The following P4HA3 variants were observed in gnomAD, a reference collection of about 807,000 sequenced individuals.
P4HA3 encodes prolyl 4-hydroxylase subunit alpha-3.
In P4HA3, 60 loss-of-function variants were observed where a neutral mutation model predicts 66.7. The observed-to-expected ratio is 0.90, with a 90% confidence interval of 0.73 to 1.12. The LOEUF is 1.12. Among genes scored for constraint, P4HA3 ranks in the 50% most tolerant of loss-of-function variants. P4HA3 has a pLI of 0.00. For synonymous variants in P4HA3, 263 were observed against 274.6 expected, an observed-to-expected ratio of 0.96 and a Z score of 0.42; for missense variants, 683 against 685.8, an observed-to-expected ratio of 1.00 and a Z score of 0.05.
intron 9 of P4HA3, among the ~76,000 whole-genome samples, chr11:74,274,304 G>GTT (rs558751754): frequency 2.5e-4 from 34 of 134,878 alleles, no homozygotes; most frequent in African/African-American, 5.4e-4. Context: ...TTTTTTTTTT[G>GTT]TTTTTTTTTT....
At chr11:74,251,950 G>A in intron 15 of P4HA3, 1 of 710,194 alleles carries the variant, frequency 1.4e-6, no homozygotes. Flanking sequence ...ATTGTGCCTA[G>A]TCTCACTCCC....
intron 7 of P4HA3, among the ~76,000 whole-genome samples, chr11:74,282,164 C>A (rs1007718309): frequency 6.6e-6 from 1 of 150,962 alleles, no homozygotes; most frequent in African/African-American, 2.4e-5. Context: ...CCTAAGGAAT[C>A]CCCCCCATCC....
chr11:74,287,070 G>T, intron 5 of P4HA3: 1 of 1,152,816 alleles, frequency 8.7e-7, no homozygotes, highest in Non-Finnish European at 1.1e-6. Context: ...GATTCCCACA[G>T]GGCCCTTGGG....
At chr11:74,302,246 A>G in intron 3 of P4HA3, 123 bp downstream of exon 3, 3 of 933,192 alleles carry the variant, frequency 3.2e-6, no homozygotes, top group Non-Finnish European at 4.8e-6. Context: ...CTGAAAATGG[A>G]AATGATATCA....
At chr11:74,309,941 G>C (rs968333901) in intron 1 of P4HA3, among the ~76,000 whole-genome samples, 1 of 152,092 alleles carries the variant, frequency 6.6e-6, no homozygotes, top group African/African-American at 2.4e-5. Context: ...GTTTCGCACA[G>C]GGTGACAATG....
chr11:74,254,288 A>G (rs1235895500), intron 15 of P4HA3: 4 of 152,872 alleles, frequency 2.6e-5, no homozygotes, highest in East Asian at 3.8e-4. Context: ...GCCAAAGCCT[A>G]TGGAATTGTT....
chr11:74,256,389 TGAAG>T (rs1859831446), intron 15 of P4HA3, among the ~76,000 whole-genome samples: 1 of 152,202 alleles, frequency 6.6e-6, no homozygotes, highest in African/African-American at 2.4e-5. Context: ...TGTATCCTTG[TGAAG>T]TACAGGCACT....
chr11:74,252,343 C>T, intron 15 of P4HA3: 1 of 429,694 alleles, frequency 2.3e-6, no homozygotes, highest in East Asian at 7.2e-5. Flanking sequence ...CCGCATCGGC[C>T]TCCTAAAGTG....
chr11:74,276,231 T>C (rs1404321013), intron 9 of P4HA3, among the ~76,000 whole-genome samples: 2 of 152,134 alleles, frequency 1.3e-5, no homozygotes, highest in Admixed American at 6.5e-5. Flanking sequence ...ATGGGTACAC[T>C]AGAAGTGTGG....
At chr11:74,259,858 G>A (rs944132845) in intron 15 of P4HA3, 3 of 152,066 alleles carry the variant, frequency 2.0e-5, no homozygotes, top group Non-Finnish European at 4.4e-5. Flanking sequence ...ACCTTTTGAC[G>A]ATTGTGAATA....
downstream of P4HA3, among the ~76,000 whole-genome samples, chr11:74,265,311 G>A (rs985044754): frequency 2.0e-5 from 3 of 152,150 alleles, no homozygotes; most frequent in Admixed American, 2.0e-4. Flanking sequence ...ATCCTGGTGT[G>A]CTCTGCAGAA....
At chr11:74,286,864 C>A (rs1860819252) in intron 5 of P4HA3, among the ~76,000 whole-genome samples, 1 of 152,164 alleles carries the variant, frequency 6.6e-6, no homozygotes, top group African/African-American at 2.4e-5. Flanking sequence ...TCACTTACAA[C>A]AAAATATGAT....
intron 5 of P4HA3, 86 bp downstream of exon 5, chr11:74,288,993 C>A (rs2134774954): frequency 3.3e-4 from 246 of 743,682 alleles, no homozygotes; most frequent in Non-Finnish European, 4.2e-4. Flanking sequence ...AGCTGTATTT[C>A]TCTTGCAGGA....
At chr11:74,300,038 T>C (rs1221372933) in intron 3 of P4HA3, among the ~76,000 whole-genome samples, 1 of 152,240 alleles carries the variant, frequency 6.6e-6, no homozygotes, top group Non-Finnish European at 1.5e-5. Context: ...TTTGAGCCTC[T>C]ACTTCTGGTG....
At chr11:74,261,295 G>C (rs1043737177) in intron 14 of P4HA3, among the ~76,000 whole-genome samples, 5 of 152,092 alleles carry the variant, frequency 3.3e-5, no homozygotes, top group African/African-American at 4.8e-5. Flanking sequence ...GTGCTGACTG[G>C]CTTGTGAGTA....
At chr11:74,303,124 A>G (rs1459450579) in intron 2 of P4HA3, among the ~76,000 whole-genome samples, 1 of 151,856 alleles carries the variant, frequency 6.6e-6, no homozygotes, top group Non-Finnish European at 1.5e-5. Flanking sequence ...TCTAATTTAA[A>G]TAAATTTTTT....
chr11:74,264,812 C>T (rs1565402074), downstream of P4HA3, among the ~76,000 whole-genome samples: 1 of 152,192 alleles, frequency 6.6e-6, no homozygotes, highest in Non-Finnish European at 1.5e-5. Flanking sequence ...GCCCAGCTTC[C>T]AGGGCTCTAT....
chr11:74,262,923 C>G (rs1859931763), downstream of P4HA3, among the ~76,000 whole-genome samples: 1 of 152,254 alleles, frequency 6.6e-6, no homozygotes, highest in South Asian at 2.1e-4. Flanking sequence ...TCCTCCCAGA[C>G]AGCTCTCTCT....
At chr11:74,288,932 G>C (rs568603891) in intron 5 of P4HA3, 147 bp downstream of exon 5, 2 of 505,352 alleles carry the variant, frequency 4.0e-6, no homozygotes, top group South Asian at 1.4e-4. Flanking sequence ...CTGGGTGACA[G>C]AGGGAGATGC....
Sources: allele counts gnomAD v4.1 joint callset (sites outside exome capture counted in the v4.1 genomes callset), GRCh38; gene constraint gnomAD v4.1.1; transcripts MANE v1.5; gene names NCBI Gene and HGNC (gene_info 2026-07-23, HGNC 2026-07-21).